Variants in KCNT1 observed in about 807,000 individuals in gnomAD.
KCNT1 encodes potassium channel subfamily T member 1.
A neutral mutation model predicts 147.8 loss-of-function variants in KCNT1; 78 were observed. That is an observed-to-expected ratio of 0.53 (90% CI 0.44 to 0.64). The LOEUF is 0.64. KCNT1 is among the 30% of genes least tolerant of loss of function. The pLI is 0.00. For missense variants in KCNT1, 1,419 were observed against 1,750.3 expected, an observed-to-expected ratio of 0.81 and a Z score of 3.38; for synonymous variants, 867 against 748.8, an observed-to-expected ratio of 1.16 and a Z score of -2.58.
intron 4 of KCNT1, among the ~76,000 whole-genome samples, chr9:135,751,597 C>T (rs961201987): frequency 1.3e-5 from 2 of 152,208 alleles, no homozygotes; most frequent in African/African-American, 2.4e-5. Flanking sequence ...TGGGTGGGAA[C>T]TTGCTCTCTC....
intron 1 of KCNT1, among the ~76,000 whole-genome samples, chr9:135,706,495 C>T (rs1327680729): frequency 6.6e-6 from 1 of 152,192 alleles, no homozygotes; most frequent in Non-Finnish European, 1.5e-5. Flanking sequence ...GGCACCGTCG[C>T]CCTGGGGCAC....
chr9:135,773,792 GCTGCTGGGGACGGGGTGGTGGC>G (rs1164096661), intron 19 of KCNT1, among the ~76,000 whole-genome samples: 1 of 152,264 alleles, frequency 6.6e-6, no homozygotes, highest in Admixed American at 6.5e-5. Flanking sequence ...TGTGTTGGGT[GCTGCTGGGGACGGGGTGGTGGC>G]CTGCTGGGGA....
chr9:135,775,338 C>T lies in KCNT1; in HGVS notation c.2272C>T (p.Pro758Ser). The change falls in exon 20 of 31, where the codon CCC (proline) becomes TCC (serine). Residue 758 changes from proline (P) to serine (S), a missense_variant. Coordinates refer to ENST00000371757, the MANE Select transcript of KCNT1 (RefSeq NM_020822.3). ...TGTGAAGGGCTACCCTCCCAACTCGCCCTACATCGGCAGCTCCCCAACCCT... is the reference window on the plus strand; with the variant it reads ...TGTGAAGGGCTACCCTCCCAACTCGTCCTACATCGGCAGCTCCCCAACCCT... ...EYVKGYPPNS[P>S]YIGSSPTLCH... 3.7e-6 allele frequency: 6 copies of T among 1,609,546 alleles called. No homozygotes were observed. Among genetic ancestry groups the T allele is most frequent in the Non-Finnish European group, 5.1e-6 (6 of 1,177,878 alleles).
chr9:135,740,884 G>A (rs13294408), intron 2 of KCNT1, among the ~76,000 whole-genome samples: 19,387 of 151,978 alleles, frequency 0.13, 1,415 homozygotes, highest in South Asian at 0.17. Flanking sequence ...GATAGAGGCC[G>A]AGCTTCCTCA....
At position 135,702,293 on chromosome 9, in the gene KCNT1, G is replaced by A. The variant is rs763055585; in HGVS notation, c.35G>A (p.Gly12Asp). 1 of 1,609,490 alleles carries A rather than the reference G, an allele frequency of 6.2e-7. No individual in the cohort carries two copies. Among genetic ancestry groups the A allele is most frequent in the South Asian group, 1.1e-5 (1 of 90,944 alleles). ...CCTGACGGGGCGCGGACCCCGGGGG[G>A]CGTCTGCCGGGAGGCGCGCGGCGGG... Reference protein sequence around the residue: ...PLPDGARTPGGVCREARGGGY... With the variant: ...PLPDGARTPGDVCREARGGGY... The change falls in exon 1 of 31, where the codon GGC (glycine) becomes GAC (aspartate). Residue 12 changes from glycine to aspartate, a missense_variant. Gly to Asp is a moderately conservative substitution (Grantham distance 94). Coordinates refer to ENST00000371757, the MANE Select transcript of KCNT1 (RefSeq NM_020822.3).
At chr9:135,776,592 A>G (rs961061485) in intron 20 of KCNT1, among the ~76,000 whole-genome samples, 1 of 151,702 alleles carries the variant, frequency 6.6e-6, no homozygotes, top group Non-Finnish European at 1.5e-5. Context: ...CAGTTCCGGA[A>G]TCTCTCTCCA....
chr9:135,736,815 C>G, intron 2 of KCNT1: 2 of 367,906 alleles, frequency 5.4e-6, no homozygotes, highest in Non-Finnish European at 9.7e-6. Context: ...TGGGACCCCG[C>G]TTGTCAAATC....
At chr9:135,785,682 C>G (rs1359933950) in intron 28 of KCNT1, 4 of 528,058 alleles carry the variant, frequency 7.6e-6, no homozygotes, top group Non-Finnish European at 1.0e-5. Flanking sequence ...AAGGTGCCAC[C>G]CAGGTGGGAT....
chr9:135,735,522 C>T (rs1438338902), intron 2 of KCNT1, among the ~76,000 whole-genome samples: 1 of 152,158 alleles, frequency 6.6e-6, no homozygotes, highest in African/African-American at 2.4e-5. Context: ...GGTCAGAAAC[C>T]GTCCAGCCAA....
chr9:135,734,683 T>C (rs1830262823), intron 2 of KCNT1, among the ~76,000 whole-genome samples: 1 of 152,168 alleles, frequency 6.6e-6, no homozygotes, highest in Non-Finnish European at 1.5e-5. Context: ...GTCACAGCAC[T>C]GCATCATGGA....
intron 2 of KCNT1, among the ~76,000 whole-genome samples, chr9:135,728,379 CTA>C (rs1476405025): frequency 6.6e-6 from 1 of 152,232 alleles, no homozygotes; most frequent in Non-Finnish European, 1.5e-5. Context: ...CACCTGGTTT[CTA>C]TGTGGGGCAG....
intron 1 of KCNT1, among the ~76,000 whole-genome samples, chr9:135,706,872 C>T (rs1835277263): frequency 6.6e-6 from 1 of 152,122 alleles, no homozygotes; most frequent in South Asian, 2.1e-4. Flanking sequence ...GATGGCAGCT[C>T]AGGGTACGGG....
chr9:135,777,317 G>A, intron 20 of KCNT1, 21 bp from the exon 21 acceptor site: 3 of 1,606,644 alleles, frequency 1.9e-6, no homozygotes, highest in Non-Finnish European at 2.6e-6. Flanking sequence ...CTCCAGCCCT[G>A]ACTCCAGCAT....
intron 11 of KCNT1, among the ~76,000 whole-genome samples, chr9:135,762,611 A>G (rs746054260): frequency 7.6e-4 from 115 of 151,238 alleles, no homozygotes; most frequent in Non-Finnish European, 1.4e-3. Flanking sequence ...TTAGCCAGGC[A>G]TGATGGCACA....
In KCNT1 at chr9:135,707,615, G is replaced by C. The variant is rs72770334; in HGVS notation, c.110+5247G>C. Among the ~76,000 whole-genome samples, 166 of 152,252 alleles carry C rather than the reference G, an allele frequency of 1.1e-3. 1 individual carries two copies. The highest frequency in any genetic ancestry group is 1.6e-3 in the Non-Finnish European group (108 of 68,002). The stretch of plus-strand genomic sequence containing the variant: ...TGAGATGGACTTGCCATCTGACCCT[G>C]AGTGACCAGCACACTGCTGCCTGCT... On this transcript the variant is annotated intron_variant, in intron 1 of 30. Transcript: ENST00000371757.
At position 135,786,183 on chromosome 9, in the gene KCNT1, C is replaced by A; in HGVS notation, c.3178-14C>A. 1 of 1,604,364 alleles carries A rather than the reference C, an allele frequency of 6.2e-7. No homozygotes were observed. Among genetic ancestry groups the A allele is most frequent in the Non-Finnish European group, 8.5e-7 (1 of 1,176,558 alleles). On this transcript the variant is annotated splice_polypyrimidine_tract_variant and intron_variant, in intron 28 of 30. Coordinates refer to ENST00000371757, the MANE Select transcript of KCNT1 (RefSeq NM_020822.3). ...CTCACCCCTCCCCGCCCTGCCCTGC[C>A]CTGCCCTGCCCAGTCCCAGATCTCG...
At chr9:135,765,478 G>A in intron 12 of KCNT1, 146 bp from the exon 13 acceptor site, 1 of 946,140 alleles carries the variant, frequency 1.1e-6, no homozygotes, top group South Asian at 1.9e-5. Flanking sequence ...CCCTGCGGGG[G>A]CCCCTCTTTT....
rs114954526 is a variant in KCNT1 at position 135,731,276 on chromosome 9, C to T, written c.254+16556C>T. 4.5e-3 allele frequency among the ~76,000 whole-genome samples: 680 copies of T among 152,306 alleles called. 3 individuals are homozygous for T. Among genetic ancestry groups the T allele is most frequent in the African/African-American group, 0.014 (577 of 41,566 alleles). Reference sequence around the variant, plus strand: ...TTCTCTGGGGATGGGTCTTTCAGCGCGGCTCGCGTTAGAATCTCAGTCGCC... The same window carrying T: ...TTCTCTGGGGATGGGTCTTTCAGCGTGGCTCGCGTTAGAATCTCAGTCGCC... On this transcript the variant is annotated intron_variant, in intron 2 of 30. Coordinates refer to ENST00000371757, the MANE Select transcript of KCNT1 (RefSeq NM_020822.3).
intron 1 of KCNT1, among the ~76,000 whole-genome samples, chr9:135,711,075 G>C (rs565172365): frequency 4.1e-4 from 62 of 152,184 alleles, no homozygotes; most frequent in Non-Finnish European, 7.4e-4. Flanking sequence ...GATTCCTCTT[G>C]GGTTTTCCAG....
Sources: allele counts gnomAD v4.1 joint callset (sites outside exome capture counted in the v4.1 genomes callset), GRCh38; gene constraint gnomAD v4.1.1; transcripts MANE v1.5; gene names NCBI Gene and HGNC (gene_info 2026-07-23, HGNC 2026-07-21).